Variants in SCARA3 observed in about 807,000 individuals in gnomAD.
SCARA3 encodes cellular stress response gene protein.
Under a neutral mutation model 47.0 loss-of-function variants are expected in SCARA3, and 39 were observed. The ratio of observed to expected loss-of-function variants is 0.83; its 90% CI spans 0.64 to 1.08. The LOEUF is 1.08. Among genes scored for constraint, SCARA3 ranks in the 50% least tolerant of loss-of-function variants. SCARA3 has a pLI of 0.00. For missense variants in SCARA3, 724 were observed against 792.3 expected (o/e 0.91, Z 1.04); for synonymous variants, 356 against 334.1 (o/e 1.07, Z -0.71).
intron 2 of SCARA3, among the ~76,000 whole-genome samples, chr8:27,650,180 T>C (rs1010004679): frequency 6.6e-6 from 1 of 152,018 alleles, no homozygotes; most frequent in Middle Eastern, 3.2e-3. Flanking sequence ...TTTTTGTAGA[T>C]ACAAGAGTCT....
At chr8:27,663,840 C>T (rs1160974196) in intron 5 of SCARA3, among the ~76,000 whole-genome samples, 5 of 152,204 alleles carry the variant, frequency 3.3e-5, no homozygotes, top group Middle Eastern at 3.2e-3. Context: ...TGCATGGCAG[C>T]CTGGACCTGT....
chr8:27,653,570 C>CGTGTGTGTGTGTGTGTGTGTGTGTGTGT (rs61545866), intron 3 of SCARA3, among the ~76,000 whole-genome samples: 3 of 145,102 alleles, frequency 2.1e-5, no homozygotes, highest in Non-Finnish European at 3.0e-5. Context: ...ATTTGTAAAG[C>CGTGTGTGTGTGTGTGTGTGTGTGTGTGT]GTGTGTGTGT....
At chr8:27,685,575 A>T in the SCARA3 span, among the ~76,000 whole-genome samples, 1 of 152,238 alleles carries the variant, frequency 6.6e-6, no homozygotes, top group Non-Finnish European at 1.5e-5. Context: ...TCAAACTAGG[A>T]ATAAAAGGGA....
downstream of SCARA3, chr8:27,679,972 C>T (rs1802333989): frequency 6.6e-6 from 1 of 151,674 alleles, no homozygotes; most frequent in Non-Finnish European, 1.5e-5. Context: ...ATAAAAACCT[C>T]TAAATAACCA....
chr8:27,649,740 A>T lies in SCARA3; in HGVS notation c.46A>T (p.Thr16Ser). The T allele has an allele frequency of 1.2e-6, 2 of 1,614,116 alleles. No homozygotes were observed. The highest frequency in any genetic ancestry group is 1.7e-6 in the Non-Finnish European group (2 of 1,180,014). ...CGGCGATGGAGATGCCTTGTGCGTT[A>T]CAGAAGAGGACCTGGCGGGTGACGA... is the stretch of plus-strand genomic sequence containing the variant. ...AGGDGDALCV[T>S]EEDLAGDDED... Residue 16 changes from threonine to serine, a missense_variant, in exon 2 of 6, where the codon ACA becomes TCA. By Grantham distance (58) the Thr-to-Ser change is moderately conservative. Coordinates refer to ENST00000301904, the MANE Select transcript of SCARA3 (RefSeq NM_016240.3).
the SCARA3 span, among the ~76,000 whole-genome samples, chr8:27,725,519 C>T: frequency 2.3e-5 from 3 of 130,042 alleles, no homozygotes; most frequent in Non-Finnish European, 4.9e-5. Context: ...GTCCAAACCA[C>T]TGCCCCCTCC....
chr8:27,703,286 A>G, the SCARA3 span: 1 of 152,468 alleles, frequency 6.6e-6, no homozygotes, highest in Admixed American at 6.5e-5. Flanking sequence ...TGCACCTGGC[A>G]GAGGACCCGG....
At chr8:27,634,293 G>A (rs983956881) in intron 1 of SCARA3, 86 bp downstream of exon 1, 5 of 1,214,196 alleles carry the variant, frequency 4.1e-6, no homozygotes, top group Non-Finnish European at 4.2e-6. Flanking sequence ...CTTTTCTGCA[G>A]GCGAGGCTGA....
chr8:27,686,186 A>C, the SCARA3 span, among the ~76,000 whole-genome samples: 1 of 152,120 alleles, frequency 6.6e-6, no homozygotes, highest in Admixed American at 6.6e-5. Context: ...CATGCCTGTA[A>C]CCCCAGTGCT....
chr8:27,701,672 T>C, the SCARA3 span: 3 of 149,776 alleles, frequency 2.0e-5, no homozygotes, highest in African/African-American at 7.4e-5. Context: ...GGTGTGATCA[T>C]AGCCAATAGA....
At chr8:27,635,806 A>T (rs190762306) in intron 1 of SCARA3, among the ~76,000 whole-genome samples, 1 of 152,086 alleles carries the variant, frequency 6.6e-6, no homozygotes, top group East Asian at 1.9e-4. Context: ...ACACACAAAC[A>T]CACACACTTT....
At chr8:27,669,450 A>G (rs1802096120) in intron 5 of SCARA3, among the ~76,000 whole-genome samples, 1 of 152,182 alleles carries the variant, frequency 6.6e-6, no homozygotes, top group African/African-American at 2.4e-5. Context: ...TGGCTCCTGC[A>G]CAGGCATCAG....
In SCARA3 at chr8:27,671,928, C is replaced by G. The variant is rs1331431131; in HGVS notation, c.*577C>G. 1.0e-6 allele frequency: 1 copy of G among 985,304 alleles called. No individual in the cohort carries two copies. Among genetic ancestry groups the G allele is most frequent in the Non-Finnish European group, 1.2e-6 (1 of 829,936 alleles). The allele number at this position is 985,304 out of a possible 1,614,324, so 61.0% of individuals were successfully genotyped here. On this transcript the variant is annotated 3_prime_UTR_variant, in exon 6 of 6. Coordinates refer to ENST00000301904, the MANE Select transcript of SCARA3 (RefSeq NM_016240.3). The stretch of plus-strand genomic sequence containing the variant: ...CCCCCTCTCCTGTGACTGAGCCTGC[C>G]AGGGAGGCAGCTACCTCGGGAGGAA...
the SCARA3 span, among the ~76,000 whole-genome samples, chr8:27,697,821 GT>G: frequency 1.3e-5 from 2 of 152,092 alleles, no homozygotes; most frequent in African/African-American, 2.4e-5. Context: ...CATGTAAGAC[GT>G]GCCTTTGCTA....
Position 27,659,552 on chromosome 8 carries a change from T to C in SCARA3, c.1369+13T>C, listed in dbSNP as rs1466672040. 6.3e-7 allele frequency: 1 copy of C among 1,586,204 alleles called. No homozygotes were observed. The highest frequency in any genetic ancestry group is 1.2e-5 in the South Asian group (1 of 86,422). On this transcript the variant is annotated intron_variant, in intron 5 of 5. Transcript: ENST00000301904. ...ACCATCCTACGAGGTAAGAGCTGGG[T>C]CCAGGTAGGGCTGCTACAAAGCTTC...
At chr8:27,723,271 T>C in the SCARA3 span, among the ~76,000 whole-genome samples, 2 of 152,228 alleles carry the variant, frequency 1.3e-5, no homozygotes, top group African/African-American at 4.8e-5. Flanking sequence ...TCCACAGCCC[T>C]GGGCTATCTT....
the SCARA3 span, among the ~76,000 whole-genome samples, chr8:27,696,872 G>T: frequency 6.6e-6 from 1 of 152,138 alleles, no homozygotes; most frequent in Non-Finnish European, 1.5e-5. Context: ...ATTAGTCATT[G>T]CCAGGGGCAG....
the SCARA3 span, among the ~76,000 whole-genome samples, chr8:27,720,517 T>C: frequency 6.6e-6 from 1 of 152,174 alleles, no homozygotes; most frequent in Non-Finnish European, 1.5e-5. Flanking sequence ...GAAAGAGTAC[T>C]GGCTTAGGAA....
chr8:27,732,334 G>A, the SCARA3 span, among the ~76,000 whole-genome samples: 2 of 152,260 alleles, frequency 1.3e-5, no homozygotes, highest in African/African-American at 2.4e-5. Flanking sequence ...TCCTCTGGCC[G>A]CCATTCCTTG....
Sources: allele counts gnomAD v4.1 joint callset (sites outside exome capture counted in the v4.1 genomes callset), GRCh38; gene constraint gnomAD v4.1.1; transcripts MANE v1.5; gene names NCBI Gene and HGNC (gene_info 2026-07-23, HGNC 2026-07-21).